Variants in SLC25A48 observed in about 807,000 individuals in gnomAD.
SLC25A48 encodes CTC-321K16.1.
A neutral mutation model predicts 32.2 loss-of-function variants in SLC25A48; 29 were observed. The ratio of observed to expected loss-of-function variants is 0.90; its 90% CI spans 0.67 to 1.23. The LOEUF is 1.23. SLC25A48 is among the 50% of genes most tolerant of loss of function. The pLI, the probability that SLC25A48 is intolerant of heterozygous loss-of-function variation, is 0.00. For synonymous variants in SLC25A48, 164 were observed against 172.3 expected, an observed-to-expected ratio of 0.95 and a Z score of 0.38; for missense variants, 399 against 422.7, an observed-to-expected ratio of 0.94 and a Z score of 0.49.
intron 3 of SLC25A48, among the ~76,000 whole-genome samples, chr5:135,775,023 G>A (rs1392626376): frequency 6.6e-6 from 1 of 151,602 alleles, no homozygotes; most frequent in Admixed American, 6.6e-5. Context: ...TGATATTACT[G>A]TCTGTATCCC....
At chr5:135,726,968 G>A in intron 3 of SLC25A48, among the ~76,000 whole-genome samples, 1 of 152,002 alleles carries the variant, frequency 6.6e-6, no homozygotes, top group East Asian at 1.9e-4. Context: ...GCAGCATTTG[G>A]TGTCACTATT....
chr5:135,879,597 AGAGAGAGAGAGAGAGTGTGTGT>A (rs1762295547), intron 6 of SLC25A48, among the ~76,000 whole-genome samples: 1 of 136,364 alleles, frequency 7.3e-6, no homozygotes, highest in African/African-American at 3.4e-5. Context: ...AGAGAGAGAG[AGAGAGAGAGAGAGAGTGTGTGT>A]GTGTGTGTGT....
At chr5:135,680,780 C>T (rs895340938) in intron 3 of SLC25A48, among the ~76,000 whole-genome samples, 5 of 152,174 alleles carry the variant, frequency 3.3e-5, no homozygotes, top group East Asian at 3.9e-4. Context: ...GTGGGAACTA[C>T]GTTTCATGAT....
intron 3 of SLC25A48, among the ~76,000 whole-genome samples, chr5:135,736,546 G>A (rs1467834082): frequency 6.6e-6 from 1 of 152,036 alleles, no homozygotes; most frequent in Non-Finnish European, 1.5e-5. Flanking sequence ...GAGAAGGATT[G>A]GGGAGTGCTT....
At chr5:135,772,891 C>T (rs1374381238) in intron 3 of SLC25A48, among the ~76,000 whole-genome samples, 1 of 150,528 alleles carries the variant, frequency 6.6e-6, no homozygotes, top group Non-Finnish European at 1.5e-5. Flanking sequence ...GTGTACACTC[C>T]CTTGTGATAT....
At chr5:135,625,110 C>G (rs922913884) in intron 1 of SLC25A48, among the ~76,000 whole-genome samples, 2 of 151,916 alleles carry the variant, frequency 1.3e-5, no homozygotes, top group East Asian at 1.9e-4. Context: ...GAAGAAGGAG[C>G]GGTTTCCCTG....
intron 3 of SLC25A48, among the ~76,000 whole-genome samples, chr5:135,661,291 A>T (rs1753389727): frequency 6.6e-6 from 1 of 152,214 alleles, no homozygotes; most frequent in Non-Finnish European, 1.5e-5. Context: ...AAGCAAGAAC[A>T]CCTGTGCCCA....
intron 3 of SLC25A48, among the ~76,000 whole-genome samples, chr5:135,645,503 C>T (rs1429356159): frequency 1.3e-5 from 2 of 152,034 alleles, no homozygotes; most frequent in Non-Finnish European, 2.9e-5. Flanking sequence ...CAAAGCCTGA[C>T]ACATGTGTTG....
At chr5:135,619,202 T>C (rs1752264604) in intron 1 of SLC25A48, among the ~76,000 whole-genome samples, 1 of 152,078 alleles carries the variant, frequency 6.6e-6, no homozygotes, top group Non-Finnish European at 1.5e-5. Flanking sequence ...AAATTCTTTT[T>C]CTTTTAAAAT....
chr5:135,726,762 A>T (rs1040473168), intron 3 of SLC25A48, among the ~76,000 whole-genome samples: 5 of 152,188 alleles, frequency 3.3e-5, no homozygotes, highest in Non-Finnish European at 5.9e-5. Context: ...ACTATGAATA[A>T]AGTTGCTATA....
At chr5:135,856,892 G>A (rs1760368577) in intron 4 of SLC25A48, among the ~76,000 whole-genome samples, 1 of 152,210 alleles carries the variant, frequency 6.6e-6, no homozygotes, top group African/African-American at 2.4e-5. Context: ...AGAAAAGCTT[G>A]CCTTAGGGGA....
At chr5:135,754,560 C>G (rs1755849468) in intron 3 of SLC25A48, among the ~76,000 whole-genome samples, 1 of 151,550 alleles carries the variant, frequency 6.6e-6, no homozygotes, top group African/African-American at 2.4e-5. Context: ...TGATTACACA[C>G]TATGATATGA....
At chr5:135,700,582 G>A (rs2126965965) in intron 3 of SLC25A48, among the ~76,000 whole-genome samples, 1 of 152,252 alleles carries the variant, frequency 6.6e-6, no homozygotes, top group South Asian at 2.1e-4. Flanking sequence ...GCCCCTGTGT[G>A]TTTGCTGTTC....
intron 4 of SLC25A48, among the ~76,000 whole-genome samples, chr5:135,867,647 G>T (rs1761310280): frequency 6.6e-6 from 1 of 152,130 alleles, no homozygotes; most frequent in Admixed American, 6.5e-5. Flanking sequence ...AGTTTTCTAT[G>T]GCTCCTACTC....
intron 7 of SLC25A48, among the ~76,000 whole-genome samples, chr5:135,881,774 C>T (rs936097728): frequency 3.3e-5 from 5 of 152,224 alleles, no homozygotes; most frequent in African/African-American, 9.6e-5. Context: ...GACCTGTCAT[C>T]ACAAGACCTT....
intron 3 of SLC25A48, among the ~76,000 whole-genome samples, chr5:135,804,248 C>T (rs1030155184): frequency 6.6e-6 from 1 of 151,484 alleles, no homozygotes; most frequent in East Asian, 1.9e-4. Context: ...CGTTGATCAC[C>T]CCCGTGACAT....
intron 3 of SLC25A48, among the ~76,000 whole-genome samples, chr5:135,699,395 T>C (rs1176674307): frequency 9.6e-6 from 1 of 104,582 alleles, no homozygotes; most frequent in Non-Finnish European, 2.0e-5. Context: ...CCCAAAAACA[T>C]TACGCTGGGA....
At chr5:135,685,415 G>A (rs748356) in intron 3 of SLC25A48, among the ~76,000 whole-genome samples, 110,405 of 147,866 alleles carry the variant, frequency 0.75, 41,720 homozygotes, top group Middle Eastern at 0.85. Flanking sequence ...AGAAGAAGCT[G>A]TTTTAGATGT....
intron 1 of SLC25A48, among the ~76,000 whole-genome samples, chr5:135,608,841 G>A (rs183967833): frequency 1.3e-5 from 2 of 152,332 alleles, no homozygotes; most frequent in Admixed American, 6.5e-5. Context: ...AATGTGAGAG[G>A]GATAGTGTGT....
Sources: gnomAD v4.1 joint callset for allele counts (sites outside exome capture counted in the v4.1 genomes callset) on GRCh38, gnomAD v4.1.1 for gene constraint, MANE v1.5 for transcripts, NCBI Gene and HGNC (gene_info 2026-07-23, HGNC 2026-07-21) for gene names.